Variants in TBCE observed in about 807,000 individuals in gnomAD.
The protein encoded by TBCE is tubulin folding cofactor E, also known as tubulin-specific chaperone E.
In TBCE, 53 loss-of-function variants were observed where a neutral mutation model predicts 77.0. That is an observed-to-expected ratio of 0.69 (90% confidence interval 0.55 to 0.87). The LOEUF (loss-of-function observed/expected upper bound fraction) is 0.87. Among genes scored for constraint, TBCE ranks in the 40% least tolerant of loss-of-function variants. TBCE has a pLI of 0.00. For missense variants in TBCE, 624 were observed against 622.4 expected (o/e 1.00, Z -0.03); for synonymous variants, 235 against 241.3 (o/e 0.97, Z 0.24).
At chr1:235,422,442 G>A (rs1273582915) in intron 5 of TBCE, among the ~76,000 whole-genome samples, 3 of 150,340 alleles carry the variant, frequency 2.0e-5, no homozygotes, top group Non-Finnish European at 4.4e-5. Flanking sequence ...CTTGAACCCG[G>A]GAGGCAGAGA....
intron 13 of TBCE, among the ~76,000 whole-genome samples, chr1:235,440,118 C>A (rs1359868707): frequency 4.6e-5 from 7 of 152,024 alleles, no homozygotes; most frequent in Non-Finnish European, 1.0e-4. Flanking sequence ...CTACAGGCGC[C>A]CACCACCACA....
chr1:235,399,378 A>T (rs1678945292), intron 2 of TBCE, among the ~76,000 whole-genome samples: 1 of 152,088 alleles, frequency 6.6e-6, no homozygotes, highest in Non-Finnish European at 1.5e-5. Context: ...GTCTTTTGTT[A>T]TAATATTGGT....
intron 15 of TBCE, 159 bp downstream of exon 15, chr1:235,443,070 T>C: frequency 1.4e-6 from 1 of 730,796 alleles, no homozygotes; most frequent in South Asian, 1.7e-5. Flanking sequence ...TCAATCATGC[T>C]AATATCACTC....
chr1:235,378,996 G>T (rs926994139), intron 1 of TBCE, among the ~76,000 whole-genome samples: 2 of 152,218 alleles, frequency 1.3e-5, no homozygotes, highest in Non-Finnish European at 2.9e-5. Flanking sequence ...ATCTGATACT[G>T]TTGCTTGATT....
chr1:235,434,698 G>A lies in TBCE; in HGVS notation c.737+418G>A, dbSNP rs372419129. 4.6e-5 allele frequency among the ~76,000 whole-genome samples: 7 copies of A among 151,828 alleles called. No homozygotes were observed. In the South Asian group the frequency reaches 1.0e-3, roughly 23 times the overall value. ...ATTATAGGTGCCTGCCACCATGCCC[G>A]GCTAATTTTCTTTATTTTTAGTAGA... On this transcript the variant is annotated intron_variant, in intron 8 of 16. Transcript: ENST00000642610.
rs1312801075 is a variant in TBCE at position 235,370,269 on chromosome 1, T to C, written c.-32+2765T>C. On this transcript the variant is annotated intron_variant, in intron 1 of 16. Coordinates refer to ENST00000642610, the MANE Select transcript of TBCE (RefSeq NM_003193.5). ...GCTGTATTCTTTTTTTTTTTTTTTTTCTGAGACGGATTCTTGCTCTGTTGC... is the reference window on the plus strand; with the variant it reads ...GCTGTATTCTTTTTTTTTTTTTTTTCCTGAGACGGATTCTTGCTCTGTTGC... 5.3e-5 allele frequency among the ~76,000 whole-genome samples: 8 copies of C among 151,284 alleles called. No homozygotes were observed. The East Asian group carries it at 5.8e-4, about 11-fold the overall frequency.
At chr1:235,435,944 G>C in intron 9 of TBCE, 104 bp downstream of exon 9, 1 of 1,049,502 alleles carries the variant, frequency 9.5e-7, no homozygotes, top group East Asian at 2.4e-5. Context: ...TGGTAACAAT[G>C]ATGGAATTTC....
intron 15 of TBCE, 38 bp downstream of exon 15, chr1:235,442,949 A>G: frequency 6.2e-7 from 1 of 1,605,930 alleles, no homozygotes; most frequent in Non-Finnish European, 8.5e-7. Flanking sequence ...TAAACTCTGA[A>G]TCATCGGCCT....
chr1:235,431,992 T>G (rs1455514999), intron 7 of TBCE, among the ~76,000 whole-genome samples: 1 of 147,912 alleles, frequency 6.8e-6, no homozygotes, highest in African/African-American at 2.5e-5. Flanking sequence ...TTTATTTATT[T>G]ATTTTTCTTG....
At chr1:235,437,825 A>T (rs78188308) in intron 12 of TBCE, among the ~76,000 whole-genome samples, 7 of 128,444 alleles carry the variant, frequency 5.4e-5, no homozygotes, top group East Asian at 4.1e-4. Flanking sequence ...GTCTTAATTT[A>T]AAAAAAAAAA....
At chr1:235,397,478 G>T (rs1678812027) in intron 2 of TBCE, among the ~76,000 whole-genome samples, 2 of 152,316 alleles carry the variant, frequency 1.3e-5, no homozygotes, top group Admixed American at 1.3e-4. Flanking sequence ...CTCCCAAAGT[G>T]CTGGGATTAC....
chr1:235,373,202 A>G (rs144302100), intron 1 of TBCE, among the ~76,000 whole-genome samples: 4 of 152,234 alleles, frequency 2.6e-5, no homozygotes, highest in African/African-American at 9.6e-5. Flanking sequence ...AGAACAAATT[A>G]TATGTCTCAG....
At chr1:235,373,605 G>A (rs1001942453) in intron 1 of TBCE, among the ~76,000 whole-genome samples, 5 of 150,244 alleles carry the variant, frequency 3.3e-5, no homozygotes, top group African/African-American at 7.3e-5. Flanking sequence ...CACCATGCCC[G>A]GCTAATTTTT....
chr1:235,388,537 C>G (rs1198203841), intron 2 of TBCE, among the ~76,000 whole-genome samples: 1 of 152,128 alleles, frequency 6.6e-6, no homozygotes, highest in East Asian at 1.9e-4. Context: ...GATCTGCCTG[C>G]CCAAGCCTCC....
chr1:235,442,739 T>C (rs762480861), intron 14 of TBCE, 113 bp from the exon 15 acceptor site: 6 of 971,878 alleles, frequency 6.2e-6, no homozygotes, highest in Middle Eastern at 2.1e-4. Flanking sequence ...TGATTAGACC[T>C]GCCAATTTGC....
intron 2 of TBCE, among the ~76,000 whole-genome samples, chr1:235,387,843 T>C (rs997180392): frequency 2.6e-4 from 39 of 152,068 alleles, no homozygotes; most frequent in African/African-American, 8.5e-4. Context: ...TCAGGGCCAG[T>C]CTGTAAAGTG....
At chr1:235,392,096 A>G (rs564185393) in intron 2 of TBCE, among the ~76,000 whole-genome samples, 1 of 152,078 alleles carries the variant, frequency 6.6e-6, no homozygotes, top group Non-Finnish European at 1.5e-5. Context: ...CTGAAGAGGG[A>G]GGATTGCTTG....
chr1:235,413,202 C>T (rs932619675), intron 3 of TBCE, among the ~76,000 whole-genome samples: 6 of 151,932 alleles, frequency 3.9e-5, no homozygotes, highest in African/African-American at 7.3e-5. Context: ...AAAAAAAGTA[C>T]GAAAAGTGTT....
intron 2 of TBCE, among the ~76,000 whole-genome samples, chr1:235,385,018 C>G (rs1053426337): frequency 6.6e-6 from 1 of 151,994 alleles, no homozygotes; most frequent in Non-Finnish European, 1.5e-5. Flanking sequence ...TATGTTGTGT[C>G]TTTGTTCTCG....
Sources: gnomAD v4.1 joint callset for allele counts (sites outside exome capture counted in the v4.1 genomes callset) on GRCh38, gnomAD v4.1.1 for gene constraint, MANE v1.5 for transcripts, NCBI Gene and HGNC (gene_info 2026-07-23, HGNC 2026-07-21) for gene names.